APCDD1: variants seen among roughly 807,000 people sequenced by gnomAD.
The protein encoded by APCDD1 is APC down-regulated 1, also known as protein APCDD1.
In APCDD1, 15 loss-of-function variants were observed where a neutral mutation model predicts 38.1. That is an observed-to-expected ratio of 0.39 (90% CI 0.26 to 0.61). The LOEUF (loss-of-function observed/expected upper bound fraction) is 0.61. Among genes scored for constraint, APCDD1 ranks in the 20% least tolerant of loss-of-function variants. The pLI is 0.49. For missense variants in APCDD1, 647 were observed against 696.2 expected (o/e 0.93, Z 0.79); for synonymous variants, 261 against 279.7 (o/e 0.93, Z 0.67).
At chr18:10,477,029 C>T (rs1171580476) in intron 3 of APCDD1, 1 of 152,318 alleles carries the variant, frequency 6.6e-6, no homozygotes, top group Non-Finnish European at 1.5e-5. Context: ...CTGCAGGAGC[C>T]AGCATGGAGG....
chr18:10,473,337 C>G (rs1037309136), intron 3 of APCDD1, among the ~76,000 whole-genome samples: 1 of 152,204 alleles, frequency 6.6e-6, no homozygotes, highest in African/African-American at 2.4e-5. Context: ...TGTGTCCCCG[C>G]GTGTGAGATG....
chr18:10,454,828 C>G lies in APCDD1; in HGVS notation c.-154C>G. 5 of 998,650 alleles carry G rather than the reference C, an allele frequency of 5.0e-6. No homozygotes were observed. The highest frequency in any genetic ancestry group is 6.0e-6 in the Non-Finnish European group (5 of 840,176). The allele number at this position is 998,650 out of a possible 1,614,324, so 61.9% of individuals were successfully genotyped here. A position where few individuals can be genotyped will look rare whatever the true frequency, so the allele number is the denominator to read the frequency against. On this transcript the variant is annotated 5_prime_UTR_variant, in exon 1 of 5. Coordinates refer to ENST00000355285, the MANE Select transcript of APCDD1 (RefSeq NM_153000.5). Reference sequence around the variant, plus strand: ...AGAGCGCGCGCCCCGCAGCCCCGCGCCTAGCCCGCCGGGCATGGGGCGCGC... The same window carrying G: ...AGAGCGCGCGCCCCGCAGCCCCGCGGCTAGCCCGCCGGGCATGGGGCGCGC...
At position 10,472,924 on chromosome 18, in the gene APCDD1, G is replaced by A. The variant is rs796756133; in HGVS notation, c.774+863G>A. On this transcript the variant is annotated intron_variant, in intron 3 of 4. Coordinates refer to ENST00000355285, the MANE Select transcript of APCDD1 (RefSeq NM_153000.5). This position sits in a 1 kb window ranked among gnomAD's most constrained non-coding sequence, Gnocchi z 6.6. ...AGCCTGTGAAGTCCCAGGCAGGAGG[G>A]GAGTGGGCTTCTGCCCAGTGCGTAG... Among the ~76,000 whole-genome samples the A allele has an allele frequency of 5.9e-5, 9 of 152,278 alleles. No individual in the cohort carries two copies. Among genetic ancestry groups the A allele is most frequent in the African/African-American group, 2.2e-4 (9 of 41,564 alleles).
At chr18:10,483,274 A>T (rs1320256487) in intron 3 of APCDD1, among the ~76,000 whole-genome samples, 2 of 152,244 alleles carry the variant, frequency 1.3e-5, no homozygotes, top group Non-Finnish European at 2.9e-5. Context: ...TGCAGAGGGC[A>T]GCTCACTGCT....
chr18:10,466,859 AC>A (rs1191581537), intron 1 of APCDD1, among the ~76,000 whole-genome samples: 3 of 152,188 alleles, frequency 2.0e-5, no homozygotes, highest in Non-Finnish European at 2.9e-5. Flanking sequence ...TTTAATTTGA[AC>A]ATGGCACTCT....
chr18:10,454,998 G>GCCTCCTGCTCAGATACCTGTTCCCGGC lies in APCDD1; in HGVS notation c.27_53dup (p.Arg10_Leu18dup). On this transcript the variant is annotated inframe_insertion, in exon 1 of 5. Transcript: ENST00000355285. ...GGACTGGAAATGTCCTGGCCGCGCC[G>GCCTCCTGCTCAGATACCTGTTCCCGGC]CCTCCTGCTCAGATACCTGTTCCCG... is the stretch of plus-strand genomic sequence containing the variant. The GCCTCCTGCTCAGATACCTGTTCCCGGC allele has an allele frequency of 1.9e-6, 3 of 1,558,210 alleles. No individual in the cohort carries two copies. Among genetic ancestry groups the GCCTCCTGCTCAGATACCTGTTCCCGGC allele is most frequent in the Non-Finnish European group, 2.6e-6 (3 of 1,151,592 alleles).
At chr18:10,484,650 C>A (rs2031210632) in intron 3 of APCDD1, among the ~76,000 whole-genome samples, 1 of 152,164 alleles carries the variant, frequency 6.6e-6, no homozygotes, top group South Asian at 2.1e-4. Context: ...ACTCTAGGAA[C>A]CTCATATAAG....
chr18:10,458,422 T>A (rs2030438070), intron 1 of APCDD1, among the ~76,000 whole-genome samples: 1 of 152,210 alleles, frequency 6.6e-6, no homozygotes, highest in South Asian at 2.1e-4. Flanking sequence ...TGAAAAACTA[T>A]TTTACTAAGG....
At position 10,485,311 on chromosome 18, in the gene APCDD1, T is replaced by C. The variant is rs1181438622; in HGVS notation, c.775-151T>C. The C allele has an allele frequency of 1.6e-5, 13 of 822,358 alleles. No homozygotes were observed. The highest frequency in any genetic ancestry group is 2.7e-5 in the Non-Finnish European group (13 of 487,068). The allele number at this position is 822,358 out of a possible 1,614,324, so 50.9% of individuals were successfully genotyped here. A position where few individuals can be genotyped will look rare whatever the true frequency, so the allele number is the denominator to read the frequency against. On this transcript the variant is annotated intron_variant, in intron 3 of 4. Transcript: ENST00000355285. The surrounding 1 kb of genome is among the most constrained non-coding windows in gnomAD (Gnocchi z 5.8). ...CACACATCACTCTCACCTCTGTCTG[T>C]GCCCGGAGCATGATTCCAGTTGGTT...
At chr18:10,464,773 T>G (rs994372982) in intron 1 of APCDD1, among the ~76,000 whole-genome samples, 4 of 152,224 alleles carry the variant, frequency 2.6e-5, no homozygotes, top group African/African-American at 9.6e-5. Context: ...ACTGCAGAGC[T>G]TGGCACTTTG....
chr18:10,454,647 C>T lies in APCDD1; in HGVS notation c.-335C>T. Reference sequence around the variant, plus strand: ...GCGCTGGAAATATGAAGAGACGCTGCAGCTGCGGTGGCGGTGGCGGCCACT... The same window carrying T: ...GCGCTGGAAATATGAAGAGACGCTGTAGCTGCGGTGGCGGTGGCGGCCACT... On this transcript the variant is annotated 5_prime_UTR_variant, in exon 1 of 5. Coordinates refer to ENST00000355285, the MANE Select transcript of APCDD1 (RefSeq NM_153000.5). 1 of 1,044,218 alleles carries T rather than the reference C, an allele frequency of 9.6e-7. No homozygotes were observed. The highest frequency in any genetic ancestry group is 1.2e-6 in the Non-Finnish European group (1 of 867,596). 64.7% of individuals were successfully genotyped at this position (1,044,218 alleles called of 1,614,324 possible). A position where few individuals can be genotyped will look rare whatever the true frequency, so the allele number is the denominator to read the frequency against.
rs1055010847 is a variant in APCDD1, at chr18:10,470,054, A to C, written c.242+1402A>C. 1.3e-5 allele frequency among the ~76,000 whole-genome samples: 2 copies of C among 152,210 alleles called. No individual in the cohort carries two copies. The highest frequency in any genetic ancestry group is 4.8e-5 in the African/African-American group (2 of 41,442). ...AAGAGCATTCTGGCTGCTGTTTGGC[A>C]AATGGACGGGAGAAAAAGTGATTTG... On this transcript the variant is annotated intron_variant, in intron 2 of 4. Coordinates refer to ENST00000355285, the MANE Select transcript of APCDD1 (RefSeq NM_153000.5). The surrounding 1 kb of genome is among the most constrained non-coding windows in gnomAD (Gnocchi z 4.1).
chr18:10,483,191 T>A (rs2031177874), intron 3 of APCDD1, among the ~76,000 whole-genome samples: 1 of 152,196 alleles, frequency 6.6e-6, no homozygotes, highest in Admixed American at 6.5e-5. Context: ...GCCGGAGACA[T>A]CTTTCCGTGA....
At position 10,472,929 on chromosome 18, in the gene APCDD1, G is replaced by A. The variant is rs1402259387; in HGVS notation, c.774+868G>A. On this transcript the variant is annotated intron_variant, in intron 3 of 4. Coordinates refer to ENST00000355285, the MANE Select transcript of APCDD1 (RefSeq NM_153000.5). This position sits in a 1 kb window ranked among gnomAD's most constrained non-coding sequence, Gnocchi z 6.6. The stretch of plus-strand genomic sequence containing the variant: ...GTGAAGTCCCAGGCAGGAGGGGAGT[G>A]GGCTTCTGCCCAGTGCGTAGTGTGA... Among the ~76,000 whole-genome samples, 2 of 152,102 alleles carry A rather than the reference G, an allele frequency of 1.3e-5. No homozygotes were observed. The highest frequency in any genetic ancestry group is 4.8e-5 in the African/African-American group (2 of 41,416).
At chr18:10,465,708 T>C (rs2030691903) in intron 1 of APCDD1, among the ~76,000 whole-genome samples, 1 of 152,214 alleles carries the variant, frequency 6.6e-6, no homozygotes, top group African/African-American at 2.4e-5. Flanking sequence ...CAGATGTCTT[T>C]GACTAGATAC....
At chr18:10,466,280 G>A (rs2030711818) in intron 1 of APCDD1, among the ~76,000 whole-genome samples, 1 of 152,204 alleles carries the variant, frequency 6.6e-6, no homozygotes, top group African/African-American at 2.4e-5. Context: ...CAGAGGTCCA[G>A]TAAGCAGTCC....
Position 10,485,878 on chromosome 18 carries a change from G to T in APCDD1, c.1096+95G>T. 7.3e-7 allele frequency: 1 copy of T among 1,372,626 alleles called. No homozygotes were observed. Among genetic ancestry groups the T allele is most frequent in the Non-Finnish European group, 1.0e-6 (1 of 993,702 alleles). 85.0% of individuals were successfully genotyped at this position (1,372,626 alleles called of 1,614,324 possible). ...AGCTGAGGGAAAGGACCTCTTTTCTGCCTGAGTTCCCAGGAAAGAAATTGG... is the reference window on the plus strand; with the variant it reads ...AGCTGAGGGAAAGGACCTCTTTTCTTCCTGAGTTCCCAGGAAAGAAATTGG... On this transcript the variant is annotated intron_variant, in intron 4 of 4. Coordinates refer to ENST00000355285, the MANE Select transcript of APCDD1 (RefSeq NM_153000.5). This position sits in a 1 kb window ranked among gnomAD's most constrained non-coding sequence, Gnocchi z 5.8.
chr18:10,480,181 G>C (rs2031101634), intron 3 of APCDD1, among the ~76,000 whole-genome samples: 1 of 152,122 alleles, frequency 6.6e-6, no homozygotes, highest in Non-Finnish European at 1.5e-5. Context: ...TCTCAAATGA[G>C]AGTCATGTCT....
intron 3 of APCDD1, among the ~76,000 whole-genome samples, chr18:10,484,606 C>T (rs559256303): frequency 2.2e-4 from 33 of 152,294 alleles, no homozygotes; most frequent in African/African-American, 7.7e-4. Context: ...CTCCTGCAAC[C>T]ACCATTCCAC....
Sources: allele counts gnomAD v4.1 joint callset (sites outside exome capture counted in the v4.1 genomes callset), GRCh38; gene constraint gnomAD v4.1.1; non-coding constraint Gnocchi (gnomAD v3.1); transcripts MANE v1.5; gene names NCBI Gene and HGNC (gene_info 2026-07-23, HGNC 2026-07-21).